The following KDM6A variants were observed in gnomAD, a reference collection of about 807,000 sequenced individuals.
KDM6A encodes lysine demethylase 6A.
In KDM6A, 11 loss-of-function variants were observed where a neutral mutation model predicts 117.6. The observed-to-expected ratio is 0.09, with a 90% CI of 0.06 to 0.15. The LOEUF (loss-of-function observed/expected upper bound fraction) is 0.15. Among genes scored for constraint, KDM6A ranks in the 10% least tolerant of loss-of-function variants. The pLI is 1.00. For synonymous variants in KDM6A, 384 were observed against 396.1 expected (o/e 0.97, Z 0.36); for missense variants, 799 against 1,077.3 (o/e 0.74, Z 3.62).
At chrX:44,913,860 C>T (rs2035383024) in intron 2 of KDM6A, among the ~76,000 whole-genome samples, 1 of 111,393 alleles carries the variant, frequency 9.0e-6, no homozygotes, top group African/African-American at 3.3e-5. Flanking sequence ...CATGCCATTC[C>T]TTATTTGAAG....
chrX:45,042,273 G>A (rs2043289842), intron 8 of KDM6A, among the ~76,000 whole-genome samples: 1 of 29,766 alleles, frequency 3.4e-5, no homozygotes, highest in South Asian at 3.6e-3. Context: ...GGGGAGAGGG[G>A]AGAGGGGAGA....
At chrX:44,898,305 T>C (rs2034053652) in intron 2 of KDM6A, among the ~76,000 whole-genome samples, 1 of 112,095 alleles carries the variant, frequency 8.9e-6, no homozygotes, top group South Asian at 3.7e-4. Flanking sequence ...GCTGAAATGG[T>C]TGTCAGCTAC....
chrX:45,106,820 C>G, intron 27 of KDM6A: 1 of 238,477 alleles, frequency 4.2e-6, no homozygotes, highest in East Asian at 1.1e-4. Context: ...CTGTTACCTT[C>G]AAGATAAAAT....
At chrX:45,080,303 A>G (rs899202897) in intron 21 of KDM6A, among the ~76,000 whole-genome samples, 2 of 111,908 alleles carry the variant, frequency 1.8e-5, no homozygotes, top group Non-Finnish European at 3.8e-5. Context: ...AGGAAATTAA[A>G]AAACAAAAAT....
intron 8 of KDM6A, among the ~76,000 whole-genome samples, chrX:45,041,207 G>A (rs1369125183): frequency 1.6e-4 from 13 of 82,743 alleles, no homozygotes; most frequent in African/African-American, 6.8e-4. Context: ...GGACGGGGCG[G>A]CTGGCCGGGC....
intron 2 of KDM6A, among the ~76,000 whole-genome samples, chrX:44,887,037 C>T (rs5952651): frequency 0.1 from 10,689 of 106,607 alleles, 569 homozygotes; most frequent in East Asian, 0.37. Context: ...CAGGTTCAGC[C>T]TCAGCCTCCC....
rs1020731573 is a variant in KDM6A at position 45,060,767 on chromosome X, A to G, written c.1485+3A>G. ...AAAGAACATCTAGTCCAACAAAGGT[A>G]TATGTTTTAGAGAAATAGAAAATCC... is the stretch of plus-strand genomic sequence containing the variant. On this transcript the variant is annotated splice_donor_region_variant and intron_variant, in intron 14 of 29. Transcript: ENST00000611820. 1.9e-6 allele frequency: 2 copies of G among 1,044,522 alleles called. No homozygotes were observed. Among genetic ancestry groups the G allele is most frequent in the South Asian group, 2.0e-5 (1 of 49,671 alleles). 86.1% of individuals were successfully genotyped at this position (1,044,522 alleles called of 1,213,427 possible).
At chrX:45,065,883 G>GTC (rs201024504) in intron 17 of KDM6A, among the ~76,000 whole-genome samples, 5,176 of 111,278 alleles carry the variant, frequency 0.047, 317 homozygotes, top group African/African-American at 0.16. Flanking sequence ...AATGAAGAAA[G>GTC]TTTCAAGGAG....
chrX:44,916,110 T>TATAC (rs893423855), intron 2 of KDM6A, among the ~76,000 whole-genome samples: 2 of 111,277 alleles, frequency 1.8e-5, no homozygotes, highest in African/African-American at 6.5e-5. Context: ...TAGGCATGTA[T>TATAC]GTATAGGAAA....
At chrX:45,104,024 CTTTTTTTTT>C (rs761228898) in intron 27 of KDM6A, among the ~76,000 whole-genome samples, 1 of 94,611 alleles carries the variant, frequency 1.1e-5, no homozygotes, top group African/African-American at 4.0e-5. Context: ...AAATTGAATT[CTTTTTTTTT>C]TTTTTTTTGA....
At chrX:44,894,558 C>T (rs1490377140) in intron 2 of KDM6A, among the ~76,000 whole-genome samples, 1 of 109,882 alleles carries the variant, frequency 9.1e-6, no homozygotes, top group East Asian at 2.8e-4. Context: ...ATTCCTGACA[C>T]GATGATTTGT....
chrX:45,107,596 T>C (rs2046578503), intron 28 of KDM6A, 60 bp downstream of exon 28: 14 of 1,133,675 alleles, frequency 1.2e-5, no homozygotes, highest in Non-Finnish European at 1.7e-5. Context: ...CCACTGTTGG[T>C]TTCTCTTTAT....
At chrX:44,963,606 C>T (rs1030334085) in intron 3 of KDM6A, among the ~76,000 whole-genome samples, 2 of 110,888 alleles carry the variant, frequency 1.8e-5, no homozygotes, top group Non-Finnish European at 3.8e-5. Flanking sequence ...GGCTCCACTT[C>T]TAATTCTGTT....
At chrX:44,964,352 G>A (rs2038893670) in intron 3 of KDM6A, among the ~76,000 whole-genome samples, 1 of 106,037 alleles carries the variant, frequency 9.4e-6, no homozygotes, top group Admixed American at 1.0e-4. Context: ...AGGAGGTTGA[G>A]GAAGGAGAAT....
At chrX:44,918,222 G>A (rs1372534704) in intron 2 of KDM6A, among the ~76,000 whole-genome samples, 2 of 111,581 alleles carry the variant, frequency 1.8e-5, no homozygotes, top group Non-Finnish European at 3.8e-5. Context: ...AAAATTGAAA[G>A]TAACATTAAT....
At chrX:44,876,702 T>G (rs1262990726) in intron 2 of KDM6A, among the ~76,000 whole-genome samples, 1 of 101,060 alleles carries the variant, frequency 9.9e-6, no homozygotes, top group Non-Finnish European at 2.0e-5. Context: ...CTATTACTAC[T>G]TGTTTTCAAA....
intron 4 of KDM6A, among the ~76,000 whole-genome samples, chrX:44,999,646 CAT>C (rs1569512986): frequency 8.9e-6 from 1 of 112,090 alleles, no homozygotes; most frequent in Non-Finnish European, 1.9e-5. Flanking sequence ...ATTTAGAACT[CAT>C]ATCTAACAAC....
chrX:45,004,315 C>CT (rs2041322985), intron 4 of KDM6A, among the ~76,000 whole-genome samples: 2 of 111,323 alleles, frequency 1.8e-5, no homozygotes, highest in African/African-American at 6.5e-5. Context: ...TGGAAACTGT[C>CT]TAGAAGTACC....
At chrX:44,964,233 T>A (rs1477715369) in intron 3 of KDM6A, among the ~76,000 whole-genome samples, 2 of 108,170 alleles carry the variant, frequency 1.8e-5, no homozygotes, top group Non-Finnish European at 3.8e-5. Context: ...GTGGATTACC[T>A]GAGGTCAAGA....
Sources: gnomAD v4.1 joint callset for allele counts (sites outside exome capture counted in the v4.1 genomes callset) on GRCh38, gnomAD v4.1.1 for gene constraint, MANE v1.5 for transcripts, NCBI Gene and HGNC (gene_info 2026-07-23, HGNC 2026-07-21) for gene names.